Variants in ABCA13 observed in about 807,000 individuals in gnomAD.
ABCA13 encodes ATP binding cassette subfamily A member 13.
In ABCA13, 476 loss-of-function variants were observed where a neutral mutation model predicts 478.7. That is an observed-to-expected ratio of 0.99 (90% CI 0.92 to 1.07). The LOEUF is 1.07. Ranked by LOEUF, ABCA13 falls within the 50% of genes least tolerant of loss-of-function variation. The pLI is 0.00. For synonymous variants in ABCA13, 2,252 were observed against 2,158.9 expected (o/e 1.04, Z -1.20); for missense variants, 6,060 against 5,910.6 (o/e 1.03, Z -0.83).
At chr7:48,281,055 C>T (rs1010127541) in intron 18 of ABCA13, among the ~76,000 whole-genome samples, 2 of 152,184 alleles carry the variant, frequency 1.3e-5, no homozygotes, top group African/African-American at 2.4e-5. Context: ...ACCTTTTCAA[C>T]ATTTACCTTT....
At chr7:48,339,790 A>G (rs1356440150) in intron 29 of ABCA13, among the ~76,000 whole-genome samples, 2 of 152,094 alleles carry the variant, frequency 1.3e-5, no homozygotes, top group African/African-American at 4.8e-5. Flanking sequence ...ATCCAGGTGA[A>G]TGTTGGTTAT....
intron 29 of ABCA13, among the ~76,000 whole-genome samples, chr7:48,339,585 A>C (rs1806797257): frequency 6.6e-6 from 1 of 152,244 alleles, no homozygotes; most frequent in South Asian, 2.1e-4. Context: ...CTTAGCCAAC[A>C]GTACATTTGA....
At chr7:48,567,919 G>T (rs1237106932) in intron 55 of ABCA13, among the ~76,000 whole-genome samples, 1 of 152,018 alleles carries the variant, frequency 6.6e-6, no homozygotes, top group Non-Finnish European at 1.5e-5. Flanking sequence ...CATTAATAAT[G>T]ACAGATATTT....
At chr7:48,310,170 T>A (rs759344938) in intron 24 of ABCA13, 29 bp downstream of exon 24, 11 of 1,581,262 alleles carry the variant, frequency 7.0e-6, no homozygotes, top group Non-Finnish European at 9.5e-6. Flanking sequence ...CTGGGGGCAG[T>A]CCTCTGCAGG....
chr7:48,564,396 A>G (rs540686022), intron 55 of ABCA13, among the ~76,000 whole-genome samples: 8 of 152,156 alleles, frequency 5.3e-5, no homozygotes, highest in African/African-American at 1.9e-4. Flanking sequence ...TAACAAAAAA[A>G]TGAAGCTCTT....
At position 48,482,613 on chromosome 7, in the gene ABCA13, CA is replaced by C. The variant is rs562627240; in HGVS notation, c.13095-460del. Among the ~76,000 whole-genome samples, 308 of 152,052 alleles carry C rather than the reference CA, an allele frequency of 2.0e-3. 4 individuals carry two copies. Among genetic ancestry groups the C allele is most frequent in the Non-Finnish European group, 5.6e-4 (38 of 67,990 alleles). On this transcript the variant is annotated intron_variant, in intron 46 of 61. Transcript: ENST00000435803. Reference sequence around the variant, plus strand: ...TTCACCATGTTGGCCAGGCTGGTCTCAAACTCCTGACCTCAGGTGGTCCATC... The same window carrying C: ...TTCACCATGTTGGCCAGGCTGGTCTCAACTCCTGACCTCAGGTGGTCCATC...
At chr7:48,338,524 C>T in intron 29 of ABCA13, 69 bp downstream of exon 29, 2 of 1,232,174 alleles carry the variant, frequency 1.6e-6, no homozygotes, top group Middle Eastern at 1.9e-4. Flanking sequence ...TGGGTCCTCC[C>T]CCTTGGGCCA....
chr7:48,238,703 C>T (rs948725472), intron 8 of ABCA13, among the ~76,000 whole-genome samples: 5 of 152,138 alleles, frequency 3.3e-5, no homozygotes, highest in Non-Finnish European at 7.4e-5. Context: ...CTCCTGACCT[C>T]GTGATCCACC....
intron 37 of ABCA13, among the ~76,000 whole-genome samples, chr7:48,391,102 G>A (rs1208572503): frequency 6.6e-6 from 1 of 152,210 alleles, no homozygotes; most frequent in African/African-American, 2.4e-5. Context: ...TCGGTCATGT[G>A]AGCTTGTGGT....
chr7:48,395,204 C>T (rs367658628), intron 38 of ABCA13, among the ~76,000 whole-genome samples: 11 of 152,202 alleles, frequency 7.2e-5, no homozygotes, highest in African/African-American at 1.4e-4. Context: ...ATACGATGGC[C>T]GTCTAATGAT....
At chr7:48,576,671 T>A (rs1381933687) in intron 55 of ABCA13, among the ~76,000 whole-genome samples, 2 of 151,860 alleles carry the variant, frequency 1.3e-5, no homozygotes, top group Non-Finnish European at 2.9e-5. Context: ...AACCAGGGAC[T>A]AAGAGAACTA....
intron 50 of ABCA13, 51 bp downstream of exon 50, chr7:48,508,100 A>T: frequency 3.7e-6 from 6 of 1,611,576 alleles, no homozygotes; most frequent in Admixed American, 1.7e-5. Context: ...TGATCTAAAT[A>T]GTGCGTGTAT....
rs567090815 is a variant in ABCA13 at position 48,214,561 on chromosome 7, C to G, written c.288-4793C>G. Reference sequence around the variant, plus strand: ...CTGTTGTTTAGTGTAGACACTTACACCAATTATTTTAGCTAGATCTTCTGG... The same window carrying G: ...CTGTTGTTTAGTGTAGACACTTACAGCAATTATTTTAGCTAGATCTTCTGG... On this transcript the variant is annotated intron_variant, in intron 3 of 61. Coordinates refer to ENST00000435803, the MANE Select transcript of ABCA13 (RefSeq NM_152701.5). Among the ~76,000 whole-genome samples, 37 of 152,294 alleles carry G rather than the reference C, an allele frequency of 2.4e-4. 1 individual carries two copies. In the South Asian group the frequency reaches 4.3e-3, roughly 18 times the overall value.
intron 27 of ABCA13, among the ~76,000 whole-genome samples, chr7:48,321,891 G>A (rs1235592712): frequency 1.3e-5 from 2 of 152,194 alleles, no homozygotes; most frequent in African/African-American, 2.4e-5. Context: ...CATGGCTGTG[G>A]GAGTCCTGGG....
chr7:48,467,055 A>G lies in ABCA13; in HGVS notation c.12905+10A>G. The G allele has an allele frequency of 1.2e-6, 2 of 1,613,374 alleles. No homozygotes were observed. Among genetic ancestry groups the G allele is most frequent in the Non-Finnish European group, 1.7e-6 (2 of 1,179,334 alleles). On this transcript the variant is annotated intron_variant, in intron 44 of 61. Coordinates refer to ENST00000435803, the MANE Select transcript of ABCA13 (RefSeq NM_152701.5). ...ATTTAAACCCACGCCAGTAAGTGTC[A>G]GGTGCTCTCTGCAAAAGTGAACACT...
At chr7:48,545,256 G>T (rs1008413298) in intron 55 of ABCA13, among the ~76,000 whole-genome samples, 2 of 151,764 alleles carry the variant, frequency 1.3e-5, no homozygotes, top group Non-Finnish European at 2.9e-5. Context: ...TACTGAAGGG[G>T]TAGGATCTAG....
intron 58 of ABCA13, among the ~76,000 whole-genome samples, chr7:48,602,198 C>T (rs921092366): frequency 3.3e-5 from 5 of 152,132 alleles, no homozygotes; most frequent in South Asian, 2.1e-4. Context: ...ATGGTAGTTT[C>T]GTTTGCTGTG....
At chr7:48,385,798 T>C (rs1585104496) in intron 35 of ABCA13, among the ~76,000 whole-genome samples, 1 of 152,302 alleles carries the variant, frequency 6.6e-6, no homozygotes, top group South Asian at 2.1e-4. Flanking sequence ...CATTCCTTTT[T>C]ATTCACAACC....
rs553162324 is a variant in ABCA13 at position 48,358,453 on chromosome 7, G to A, written c.10688+5966G>A. Reference sequence around the variant, plus strand: ...TTGTTGTGTGATAAATGACACTGTAGTGTGCAATGAAGAATAGTCCTAGCC... The same window carrying A: ...TTGTTGTGTGATAAATGACACTGTAATGTGCAATGAAGAATAGTCCTAGCC... On this transcript the variant is annotated intron_variant, in intron 31 of 61. Transcript: ENST00000435803. Among the ~76,000 whole-genome samples the A allele has an allele frequency of 4.6e-5, 7 of 151,974 alleles. No homozygotes were observed. In the East Asian group the frequency reaches 1.2e-3, roughly 25 times the overall value.
Sources: gnomAD v4.1 joint callset for allele counts (sites outside exome capture counted in the v4.1 genomes callset) on GRCh38, gnomAD v4.1.1 for gene constraint, MANE v1.5 for transcripts, NCBI Gene and HGNC (gene_info 2026-07-23, HGNC 2026-07-21) for gene names.